Variants in ZNF366 observed in about 807,000 individuals in gnomAD.
The protein encoded by ZNF366 is zinc finger protein 366.
Under a neutral mutation model 47.2 loss-of-function variants are expected in ZNF366, and 20 were observed. The observed-to-expected ratio is 0.42, with a 90% CI of 0.30 to 0.62. ZNF366 has a LOEUF of 0.62. Among genes scored for constraint, ZNF366 ranks in the 20% least tolerant of loss-of-function variants. The pLI, the probability that ZNF366 is intolerant of heterozygous loss-of-function variation, is 0.16. For missense variants in ZNF366, 987 were observed against 976.3 expected, an observed-to-expected ratio of 1.01 and a Z score of -0.15; for synonymous variants, 421 against 395.1, an observed-to-expected ratio of 1.07 and a Z score of -0.78.
intron 1 of ZNF366, among the ~76,000 whole-genome samples, chr5:72,483,725 G>T (rs1186454751): frequency 2.0e-5 from 3 of 152,278 alleles, no homozygotes; most frequent in South Asian, 4.2e-4. Context: ...AAGGATGAGA[G>T]AACAAAGTTG....
At chr5:72,455,735 T>C (rs1373756064) in intron 3 of ZNF366, among the ~76,000 whole-genome samples, 1 of 152,204 alleles carries the variant, frequency 6.6e-6, no homozygotes, top group East Asian at 1.9e-4. Context: ...GTCTAACAGA[T>C]ATTTTAACAA....
At chr5:72,503,245 C>T (rs1744250327) in intron 1 of ZNF366, among the ~76,000 whole-genome samples, 1 of 152,174 alleles carries the variant, frequency 6.6e-6, no homozygotes, top group South Asian at 2.1e-4. Context: ...CCGGCTAGGA[C>T]ATTCCTTATT....
At chr5:72,471,993 T>C (rs1327862182) in intron 1 of ZNF366, among the ~76,000 whole-genome samples, 4 of 152,194 alleles carry the variant, frequency 2.6e-5, no homozygotes, top group East Asian at 1.9e-4. Context: ...GGCTTTTTCT[T>C]TGGGCATACA....
At chr5:72,502,639 G>A (rs1408426553) in intron 1 of ZNF366, among the ~76,000 whole-genome samples, 2 of 152,054 alleles carry the variant, frequency 1.3e-5, no homozygotes, top group African/African-American at 4.8e-5. Context: ...TTAAATTAGG[G>A]ACAAGGATCT....
chr5:72,495,832 C>G (rs1744102190), intron 1 of ZNF366, among the ~76,000 whole-genome samples: 1 of 152,180 alleles, frequency 6.6e-6, no homozygotes, highest in African/African-American at 2.4e-5. Flanking sequence ...TCAACCACCC[C>G]ACCCCACCCT....
chr5:72,453,976 C>T (rs900909495), intron 3 of ZNF366, among the ~76,000 whole-genome samples: 4 of 152,228 alleles, frequency 2.6e-5, no homozygotes, highest in African/African-American at 4.8e-5. Context: ...CCTGAGAGGA[C>T]TTACCAACAG....
In ZNF366 at chr5:72,460,528, G is replaced by A. The variant is rs35721849; in HGVS notation, c.969C>T (p.His323=). 16,618 of 1,614,072 alleles carry A rather than the reference G, an allele frequency of 0.01. 1,153 individuals are homozygous for A. The African/African-American group carries it at 0.17, about 16-fold the overall frequency. ...TGTGCTGCATCATGTGGCGCTTCAG[G>A]TGGCTGGTCTGGGTGAAGGCCTTGT... is the stretch of plus-strand genomic sequence containing the variant. The part of the protein sequence containing the change: ...VCHKAFTQTS[H]LKRHMMQHSE... Residue 323 remains histidine (H), a synonymous_variant, in exon 2 of 5, where the codon CAC becomes CAT. Transcript: ENST00000318442.
chr5:72,448,546 A>G (rs1024430419), intron 3 of ZNF366, among the ~76,000 whole-genome samples: 3 of 152,122 alleles, frequency 2.0e-5, no homozygotes, highest in African/African-American at 7.2e-5. Context: ...GTGATTGGAC[A>G]AGAATGTTAA....
intron 3 of ZNF366, among the ~76,000 whole-genome samples, chr5:72,452,360 C>T (rs1055728266): frequency 6.6e-6 from 1 of 152,190 alleles, no homozygotes; most frequent in Admixed American, 6.5e-5. Flanking sequence ...AATCTATTTG[C>T]AGGCGGTCCC....
chr5:72,456,547 G>T lies in ZNF366; in HGVS notation c.1381C>A (p.Leu461Met). Residue 461 changes from leucine to methionine, a missense_variant, in exon 3 of 5, where the codon CTG (leucine) becomes ATG (methionine). This residue lies in a region of ZNF366 where 111 missense variants were observed against 180.5 expected (regional missense o/e 0.61). Coordinates refer to ENST00000318442, the MANE Select transcript of ZNF366 (RefSeq NM_152625.3). ...CGICGREFTL[L>M]ANMKRHVLIH... The stretch of plus-strand genomic sequence containing the variant: ...AGCACGTGTCGCTTCATGTTGGCCA[G>T]CAGGGTGAACTCCCGCCCACAAATC... The T allele has an allele frequency of 6.2e-7, 1 of 1,612,522 alleles. No individual in the cohort carries two copies. The highest frequency in any genetic ancestry group is 8.5e-7 in the Non-Finnish European group (1 of 1,178,854).
In ZNF366 at chr5:72,442,308, C is replaced by T. The variant is rs1055075440; in HGVS notation, c.*1448G>A. 6.6e-6 allele frequency: 1 copy of T among 152,142 alleles called. No individual in the cohort carries two copies. Among genetic ancestry groups the T allele is most frequent in the Non-Finnish European group, 1.5e-5 (1 of 68,034 alleles). 9.4% of individuals were successfully genotyped at this position (152,142 alleles called of 1,614,324 possible). On this transcript the variant is annotated 3_prime_UTR_variant, in exon 5 of 5. Coordinates refer to ENST00000318442, the MANE Select transcript of ZNF366 (RefSeq NM_152625.3). ...AAATGGTGAGTTCTATTTTAGTCCC[C>T]TCAATCTTCTCAATCTTGGCTGCAC...
At chr5:72,487,538 CCCTCCTCTCTCCCT>C (rs1243781028) in intron 1 of ZNF366, among the ~76,000 whole-genome samples, 1 of 152,112 alleles carries the variant, frequency 6.6e-6, no homozygotes, top group African/African-American at 2.4e-5. Context: ...AGTCCTTCTC[CCCTCCTCTCTCCCT>C]CCTCCTCTTT....
intron 1 of ZNF366, among the ~76,000 whole-genome samples, chr5:72,493,192 T>C (rs1173374479): frequency 6.6e-6 from 1 of 152,246 alleles, no homozygotes; most frequent in Non-Finnish European, 1.5e-5. Flanking sequence ...GAGCCCCAAC[T>C]ACGTGTCAAA....
At chr5:72,472,463 A>C (rs974509169) in intron 1 of ZNF366, 19 of 763,718 alleles carry the variant, frequency 2.5e-5, no homozygotes, top group Non-Finnish European at 3.0e-5. Flanking sequence ...CCCCTTTCCC[A>C]ACCAGTGCCA....
At chr5:72,447,506 G>A in intron 3 of ZNF366, 89 bp from the exon 4 acceptor site, 1 of 1,458,788 alleles carries the variant, frequency 6.9e-7, no homozygotes, top group Non-Finnish European at 9.4e-7. Context: ...TTTCTACTTT[G>A]TTTGGACATT....
intron 1 of ZNF366, among the ~76,000 whole-genome samples, chr5:72,479,085 G>C (rs1291246049): frequency 2.0e-5 from 3 of 152,116 alleles, no homozygotes; most frequent in Admixed American, 2.0e-4. Flanking sequence ...CCCAGACCTA[G>C]CTCTTGCCCA....
intron 4 of ZNF366, 108 bp downstream of exon 4, chr5:72,447,135 T>C: frequency 8.1e-7 from 1 of 1,240,992 alleles, no homozygotes; most frequent in African/African-American, 1.5e-5. Flanking sequence ...GCTACTCTGC[T>C]GTGGTCTTGA....
chr5:72,461,882 GAA>G (rs1425249595), intron 1 of ZNF366, among the ~76,000 whole-genome samples: 3 of 152,328 alleles, frequency 2.0e-5, no homozygotes, highest in Non-Finnish European at 4.4e-5. Flanking sequence ...CCAGATAAAT[GAA>G]ATGACATTCT....
intron 1 of ZNF366, among the ~76,000 whole-genome samples, chr5:72,502,856 G>A: frequency 6.6e-6 from 1 of 152,212 alleles, no homozygotes; most frequent in East Asian, 1.9e-4. Context: ...GGGCGCAGTA[G>A]CTCATGCCTG....
Sources: gnomAD v4.1 joint callset for allele counts (sites outside exome capture counted in the v4.1 genomes callset) on GRCh38, gnomAD v4.1.1 for gene constraint, gnomAD v4.1.1 regional missense constraint, MANE v1.5 for transcripts, NCBI Gene and HGNC (gene_info 2026-07-23, HGNC 2026-07-21) for gene names.